The following FCF1 variants were observed in gnomAD, a reference collection of about 807,000 sequenced individuals.
FCF1 encodes FCF1 rRNA-processing protein.
In FCF1, 17 loss-of-function variants were observed where a neutral mutation model predicts 32.5. The ratio of observed to expected loss-of-function variants is 0.52; its 90% confidence interval spans 0.36 to 0.78. FCF1 has a LOEUF of 0.78. Among genes scored for constraint, FCF1 ranks in the 30% least tolerant of loss-of-function variants. FCF1 has a pLI of 0.00. For missense variants in FCF1, 201 were observed against 241.1 expected (o/e 0.83, Z 1.10); for synonymous variants, 84 against 78.4 (o/e 1.07, Z -0.38).
At chr14:74,731,968 A>G (rs1210797437) in intron 5 of FCF1, among the ~76,000 whole-genome samples, 2 of 152,212 alleles carry the variant, frequency 1.3e-5, no homozygotes, top group South Asian at 2.1e-4. Flanking sequence ...ATGGCAAACA[A>G]TACAAGCATA....
chr14:74,735,043 A>G lies in FCF1; in HGVS notation c.*113A>G. ...GGAATCAGAGAGACTGATGGAGTTC[A>G]GGGAGATATTTATTATTTAGGTGCA... On this transcript the variant is annotated 3_prime_UTR_variant, in exon 8 of 8. Transcript: ENST00000341162. 1.3e-6 allele frequency: 1 copy of G among 799,474 alleles called. No individual in the cohort carries two copies. The highest frequency in any genetic ancestry group is 2.1e-6 in the Non-Finnish European group (1 of 472,566). 49.5% of individuals were successfully genotyped at this position (799,474 alleles called of 1,614,324 possible).
intron 1 of FCF1, 90 bp from the exon 2 acceptor site, chr14:74,713,392 CAAG>C: frequency 6.5e-7 from 1 of 1,534,046 alleles, no homozygotes; most frequent in Non-Finnish European, 8.9e-7. Context: ...TTATTTGAGG[CAAG>C]AAGGGAAGGC....
intron 4 of FCF1, among the ~76,000 whole-genome samples, chr14:74,721,988 A>G (rs1036876113): frequency 1.3e-5 from 2 of 151,908 alleles, no homozygotes; most frequent in Admixed American, 1.3e-4. Context: ...TAGTTGTACC[A>G]ATGTATATAC....
intron 1 of FCF1, 39 bp downstream of exon 1, chr14:74,713,239 A>T: frequency 6.2e-7 from 1 of 1,614,166 alleles, no homozygotes. Context: ...TTATCAGGCC[A>T]CTTTTTGGGT....
intron 1 of FCF1, 67 bp from the exon 2 acceptor site, chr14:74,713,418 A>G (rs1351087973): frequency 6.4e-7 from 1 of 1,564,340 alleles, no homozygotes; most frequent in East Asian, 2.3e-5. Flanking sequence ...TAGACAAGAG[A>G]AAAGAAGAGA....
chr14:74,714,736 A>G (rs1348901232), intron 2 of FCF1, 136 bp from the exon 3 acceptor site: 4 of 1,200,044 alleles, frequency 3.3e-6, no homozygotes, highest in East Asian at 5.3e-5. Flanking sequence ...GTATGCTGAT[A>G]TTAACATGAG....
At chr14:74,733,763 T>C (rs932662620) in intron 6 of FCF1, among the ~76,000 whole-genome samples, 16 of 152,140 alleles carry the variant, frequency 1.1e-4, no homozygotes, top group Non-Finnish European at 1.5e-5. Flanking sequence ...AACTAAAGAA[T>C]TGTCTGCCCC....
At chr14:74,732,506 T>C (rs1414898112) in intron 5 of FCF1, among the ~76,000 whole-genome samples, 2 of 152,194 alleles carry the variant, frequency 1.3e-5, no homozygotes, top group South Asian at 2.1e-4. Flanking sequence ...ATCTGTAGAA[T>C]AGATATATAA....
chr14:74,713,494 A>G lies in FCF1; in HGVS notation c.13A>G (p.Lys5Glu). The change falls in exon 2 of 8, where the codon AAG becomes GAG. Residue 5 changes from lysine (K) to glutamate (E), a missense_variant. Coordinates refer to ENST00000341162, the MANE Select transcript of FCF1 (RefSeq NM_015962.5). The part of the protein sequence containing the change: MGKQ[K>E]KTRKYATMKR... ...AAATTTCTGTTTCAAGGGGAAGCAA[A>G]AGAAAACAAGGAAGTATGCGACCAT... is the stretch of plus-strand genomic sequence containing the variant. 6.2e-7 allele frequency: 1 copy of G among 1,612,806 alleles called. No individual in the cohort carries two copies. The highest frequency in any genetic ancestry group is 1.1e-5 in the South Asian group (1 of 91,020).
chr14:74,715,164 G>A (rs1443981231), intron 3 of FCF1, among the ~76,000 whole-genome samples: 1 of 152,028 alleles, frequency 6.6e-6, no homozygotes, highest in African/African-American at 2.4e-5. Flanking sequence ...TATTATCTAG[G>A]ATTATTAACT....
At chr14:74,726,267 C>T (rs571665090) in intron 5 of FCF1, among the ~76,000 whole-genome samples, 1 of 151,494 alleles carries the variant, frequency 6.6e-6, no homozygotes, top group South Asian at 2.1e-4. Flanking sequence ...CAGGAGGATT[C>T]CTTGAGCCCA....
intron 5 of FCF1, among the ~76,000 whole-genome samples, chr14:74,730,277 A>G (rs987309882): frequency 2.1e-5 from 3 of 139,914 alleles, no homozygotes; most frequent in Non-Finnish European, 4.5e-5. Context: ...CAGTGATGCT[A>G]TCACAGCTCA....
At chr14:74,718,599 G>A (rs1290711802) in intron 4 of FCF1, among the ~76,000 whole-genome samples, 3 of 151,892 alleles carry the variant, frequency 2.0e-5, no homozygotes, top group Non-Finnish European at 2.9e-5. Flanking sequence ...TCAGCCTCCC[G>A]AGTAGCTGGG....
intron 1 of FCF1, 60 bp downstream of exon 1, chr14:74,713,260 G>T: frequency 6.2e-7 from 1 of 1,614,178 alleles, no homozygotes; most frequent in Non-Finnish European, 8.5e-7. Context: ...GGAGAAGGAG[G>T]TAGTCAGACC....
chr14:74,725,960 C>T (rs1028863983), intron 5 of FCF1, among the ~76,000 whole-genome samples: 4 of 151,466 alleles, frequency 2.6e-5, no homozygotes, highest in South Asian at 4.2e-4. Context: ...GAAAATTAGC[C>T]AGGCATGGTG....
rs1566724478 is a variant in FCF1, at chr14:74,736,678, T to C, written c.*1748T>C. On this transcript the variant is annotated 3_prime_UTR_variant, in exon 8 of 8. Coordinates refer to ENST00000341162, the MANE Select transcript of FCF1 (RefSeq NM_015962.5). ...CATTTATACAATTATAAATTGTCAA[T>C]TTACAATAAAAAATTTTTGTTGCGT... 6.6e-6 allele frequency: 1 copy of C among 152,226 alleles called. No individual in the cohort carries two copies. Among genetic ancestry groups the C allele is most frequent in the South Asian group, 2.1e-4 (1 of 4,832 alleles). The allele number at this position is 152,226 out of a possible 1,614,324, so 9.4% of individuals were successfully genotyped here. A position where few individuals can be genotyped will look rare whatever the true frequency, so the allele number is the denominator to read the frequency against.
chr14:74,723,417 T>G (rs1367091554), intron 5 of FCF1, 73 bp downstream of exon 5: 1 of 1,128,670 alleles, frequency 8.9e-7, no homozygotes, highest in Non-Finnish European at 1.3e-6. Flanking sequence ...TTTAAAGATT[T>G]CTTGGCCAGT....
chr14:74,714,322 G>C (rs1041268795), intron 2 of FCF1, among the ~76,000 whole-genome samples: 1 of 152,176 alleles, frequency 6.6e-6, no homozygotes, highest in Non-Finnish European at 1.5e-5. Flanking sequence ...CAGAATAAGA[G>C]AATAGTCGTT....
chr14:74,731,899 C>T (rs1164746736), intron 5 of FCF1, among the ~76,000 whole-genome samples: 1 of 152,090 alleles, frequency 6.6e-6, no homozygotes, highest in African/African-American at 2.4e-5. Flanking sequence ...CAGAATCACA[C>T]AGAGTTGGGG....
Sources: gnomAD v4.1 joint callset for allele counts (sites outside exome capture counted in the v4.1 genomes callset) on GRCh38, gnomAD v4.1.1 for gene constraint, MANE v1.5 for transcripts, NCBI Gene and HGNC (gene_info 2026-07-23, HGNC 2026-07-21) for gene names.